Variants in AMER3 observed in about 807,000 individuals in gnomAD.
AMER3 encodes APC membrane recruitment protein 3, also known as family with sequence similarity 123C.
For synonymous variants in AMER3, 541 were observed against 485.5 expected (o/e 1.11, Z -1.50); for missense variants, 1,201 against 1,139.4 (o/e 1.05, Z -0.78).
chr2:130,762,543 G>A lies in AMER3; in HGVS notation c.471G>A (p.Lys157=). The A allele has an allele frequency of 6.2e-7, 1 of 1,613,514 alleles. No individual in the cohort carries two copies. Among genetic ancestry groups the A allele is most frequent in the South Asian group, 1.1e-5 (1 of 91,086 alleles). Residue 157 remains lysine, a synonymous_variant, in exon 2 of 2, where the codon AAG becomes AAA. Coordinates refer to ENST00000321420, the MANE Select transcript of AMER3 (RefSeq NM_152698.3). ...AGAGGATTTCCCTGAAGAGGCCCAA[G>A]AAGTGCTTTCGGAACCTATTCCACA... ...PRKRISLKRP[K]KCFRNLFHIR...
rs1375757424 is a variant in AMER3 at position 130,762,108 on chromosome 2, C to T, written c.36C>T (p.Ser12=). The change falls in exon 2 of 2, where the codon TCC becomes TCT. Residue 12 remains serine, a synonymous_variant. Coordinates refer to ENST00000321420, the MANE Select transcript of AMER3 (RefSeq NM_152698.3). ...AGAGAGGAAAGACCTTCATCAAGTC[C>T]AGCCTGCAGGTTTCCCACGAGAAAC... ...ELKRGKTFIK[S]SLQVSHEKPP... 6.2e-7 allele frequency: 1 copy of T among 1,611,306 alleles called. No individual in the cohort carries two copies. Among genetic ancestry groups the T allele is most frequent in the African/African-American group, 1.3e-5 (1 of 75,038 alleles).
rs1401842226 is a variant in AMER3 at position 130,759,882 on chromosome 2, T to C, written c.-19-2172T>C. On this transcript the variant is annotated intron_variant, in intron 1 of 1. Coordinates refer to ENST00000321420, the MANE Select transcript of AMER3 (RefSeq NM_152698.3). ...CAGTAGTTTGCCCCTCATACAGTTA[T>C]GGGCCAAGCTGTCTGCCTGGTTAGG... Among the ~76,000 whole-genome samples, 4 of 152,198 alleles carry C rather than the reference T, an allele frequency of 2.6e-5. No individual in the cohort carries two copies. The East Asian group carries it at 7.7e-4, about 29-fold the overall frequency.
chr2:130,764,757 T>G lies in AMER3; in HGVS notation c.*99T>G. The G allele has an allele frequency of 7.6e-7, 1 of 1,316,546 alleles. No homozygotes were observed. Among genetic ancestry groups the G allele is most frequent in the Non-Finnish European group, 1.0e-6 (1 of 977,484 alleles). 81.6% of individuals were successfully genotyped at this position (1,316,546 alleles called of 1,614,324 possible). On this transcript the variant is annotated 3_prime_UTR_variant, in exon 2 of 2. Transcript: ENST00000321420. ...TATCTTTTGTCCCTGATGTGGGGAC[T>G]GTGTTGGGGGTGGGGGGTGGCAGGA...
At position 130,766,277 on chromosome 2, in the gene AMER3, ATCTGGCCCCAG is replaced by A. The variant is rs1377737515; in HGVS notation, c.*1627_*1637del. 6.0e-6 allele frequency: 1 copy of A among 167,114 alleles called. No homozygotes were observed. The highest frequency in any genetic ancestry group is 1.5e-5 in the Non-Finnish European group (1 of 68,164). 10.4% of individuals were successfully genotyped at this position (167,114 alleles called of 1,614,324 possible). A position where few individuals can be genotyped will look rare whatever the true frequency, so the allele number is the denominator to read the frequency against. On this transcript the variant is annotated 3_prime_UTR_variant, in exon 2 of 2. Transcript: ENST00000321420. ...AGGAGGGCCCACTGAACCGGCCTCA[ATCTGGCCCCAG>A]TCTGGCCTACTCGCTGCCCCAGGAC...
chr2:130,757,218 G>A (rs1678636831), intron 1 of AMER3, among the ~76,000 whole-genome samples: 1 of 152,196 alleles, frequency 6.6e-6, no homozygotes. Context: ...CTAAGCCTGA[G>A]TTGGTCATGT....
chr2:130,763,643 CT>C lies in AMER3; in HGVS notation c.1572del (p.Gln526SerfsTer158). On this transcript the variant is annotated frameshift_variant, in exon 2 of 2. Transcript: ENST00000321420. LOFTEE classifies it low-confidence loss of function (END_TRUNC). ...RGPTPRAPPT[P>X]GQPAAPPGSQ... ...CCCACGCCCCGTGCCCCACCCACCCCTGGGCAGCCTGCAGCTCCACCTGGTT... is the reference window on the plus strand; with the variant it reads ...CCCACGCCCCGTGCCCCACCCACCCCGGGCAGCCTGCAGCTCCACCTGGTT... 6.5e-7 allele frequency: 1 copy of C among 1,533,008 alleles called. No individual in the cohort carries two copies. Among genetic ancestry groups the C allele is most frequent in the Non-Finnish European group, 8.8e-7 (1 of 1,140,774 alleles). 95.0% of individuals were successfully genotyped at this position (1,533,008 alleles called of 1,614,324 possible).
chr2:130,758,145 A>G (rs920387965), intron 1 of AMER3, among the ~76,000 whole-genome samples: 9 of 151,314 alleles, frequency 5.9e-5, no homozygotes, highest in Non-Finnish European at 1.2e-4. Context: ...AAAACAAAAC[A>G]AAACAAAAAA....
At chr2:130,758,157 C>T (rs1477407640) in intron 1 of AMER3, among the ~76,000 whole-genome samples, 1 of 150,066 alleles carries the variant, frequency 6.7e-6, no homozygotes, top group African/African-American at 2.5e-5. Context: ...AACAAAAAAC[C>T]CACCATCCTG....
Position 130,765,961 on chromosome 2 carries a change from A to G in AMER3, c.*1303A>G. ...CGAGTTCACACCCAAAATGAAGTCC[A>G]CAGGTCCACCCCTTGTCAACTTGGC... On this transcript the variant is annotated 3_prime_UTR_variant, in exon 2 of 2. Transcript: ENST00000321420. 2 of 167,208 alleles carry G rather than the reference A, an allele frequency of 1.2e-5. No homozygotes were observed. 10.4% of individuals were successfully genotyped at this position (167,208 alleles called of 1,614,324 possible).
At chr2:130,759,641 TC>T (rs1678718431) in intron 1 of AMER3, among the ~76,000 whole-genome samples, 1 of 152,264 alleles carries the variant, frequency 6.6e-6, no homozygotes, top group South Asian at 2.1e-4. Context: ...ATCTTCACTT[TC>T]ATTGTGTTTT....
chr2:130,762,107 C>T lies in AMER3; in HGVS notation c.35C>T (p.Ser12Phe). The change falls in exon 2 of 2, where the codon TCC (serine) becomes TTC (phenylalanine). Residue 12 changes from serine (S) to phenylalanine (F), a missense_variant. Coordinates refer to ENST00000321420, the MANE Select transcript of AMER3 (RefSeq NM_152698.3). ...ELKRGKTFIK[S>F]SLQVSHEKPP... The stretch of plus-strand genomic sequence containing the variant: ...AAGAGAGGAAAGACCTTCATCAAGT[C>T]CAGCCTGCAGGTTTCCCACGAGAAA... The T allele has an allele frequency of 6.2e-7, 1 of 1,611,362 alleles. No individual in the cohort carries two copies. The highest frequency in any genetic ancestry group is 8.5e-7 in the Non-Finnish European group (1 of 1,179,332).
In AMER3 at chr2:130,763,874, G is replaced by C. The variant is rs150310404; in HGVS notation, c.1802G>C (p.Arg601Pro). 2 of 1,613,516 alleles carry C rather than the reference G, an allele frequency of 1.2e-6. No homozygotes were observed. Among genetic ancestry groups the C allele is most frequent in the Non-Finnish European group, 1.7e-6 (2 of 1,180,028 alleles). ...GTGTLSRDAS[R>P]EEETRGHSEG... ...GGCACACTGTCCAGGGATGCCTCTC[G>C]AGAGGAAGAGACACGAGGTCACTCT... is the stretch of plus-strand genomic sequence containing the variant. The change falls in exon 2 of 2, where the codon CGA becomes CCA. Residue 601 changes from arginine to proline, a missense_variant. Physicochemically the swap from Arg to Pro is moderately radical, Grantham distance 103 (BLOSUM62 -2). Coordinates refer to ENST00000321420, the MANE Select transcript of AMER3 (RefSeq NM_152698.3).
At position 130,762,702 on chromosome 2, in the gene AMER3, G is replaced by A. The variant is rs1558966937; in HGVS notation, c.630G>A (p.Leu210=). ...TCCCCCCGGGTGAGGGGCCGGGGCT[G>A]GACGGCCTGTGCCAGGACCTGTTGG... ...AFLPPGEGPG[L]DGLCQDLLDS... Residue 210 remains leucine (L), a synonymous_variant, in exon 2 of 2, where the codon CTG becomes CTA. Transcript: ENST00000321420. 2.5e-6 allele frequency: 4 copies of A among 1,611,698 alleles called. No individual in the cohort carries two copies. Among genetic ancestry groups the A allele is most frequent in the Non-Finnish European group, 3.4e-6 (4 of 1,179,794 alleles).
intron 1 of AMER3, among the ~76,000 whole-genome samples, chr2:130,756,550 G>A (rs1260140646): frequency 7.2e-5 from 11 of 152,158 alleles, no homozygotes; most frequent in African/African-American, 2.4e-4. Context: ...GCAGTCAGGG[G>A]CCTGGGAGCG....
intron 1 of AMER3, among the ~76,000 whole-genome samples, chr2:130,760,141 G>A (rs1466934616): frequency 6.6e-6 from 1 of 152,258 alleles, no homozygotes; most frequent in Non-Finnish European, 1.5e-5. Context: ...TGTCCAGGGT[G>A]CCACTAGCAA....
chr2:130,763,076 C>A lies in AMER3; in HGVS notation c.1004C>A (p.Thr335Lys). The A allele has an allele frequency of 6.2e-7, 1 of 1,613,428 alleles. No individual in the cohort carries two copies. Among genetic ancestry groups the A allele is most frequent in the Non-Finnish European group, 8.5e-7 (1 of 1,180,016 alleles). ...LGPWLSGPQG[T>K]DRDQSRLDTA... Reference sequence around the variant, plus strand: ...CCGTGGCTTTCAGGCCCCCAGGGGACAGACAGGGACCAATCCCGGCTGGAC... The same window carrying A: ...CCGTGGCTTTCAGGCCCCCAGGGGAAAGACAGGGACCAATCCCGGCTGGAC... Residue 335 changes from threonine to lysine, a missense_variant, in exon 2 of 2, where the codon ACA (threonine) becomes AAA (lysine). Coordinates refer to ENST00000321420, the MANE Select transcript of AMER3 (RefSeq NM_152698.3).
chr2:130,762,216 C>T lies in AMER3; in HGVS notation c.144C>T (p.His48=). The T allele has an allele frequency of 6.3e-7, 1 of 1,584,730 alleles. No individual in the cohort carries two copies. The highest frequency in any genetic ancestry group is 8.6e-7 in the Non-Finnish European group (1 of 1,166,038). Residue 48 remains histidine, a synonymous_variant, in exon 2 of 2, where the codon CAC becomes CAT. Transcript: ENST00000321420. The part of the protein sequence containing the change: ...SVLPGGQQRP[H]SEKGPQASPS... ...TTCCAGGAGGGCAACAGAGGCCCCACAGTGAGAAGGGCCCCCAAGCCAGCC... is the reference window on the plus strand; with the variant it reads ...TTCCAGGAGGGCAACAGAGGCCCCATAGTGAGAAGGGCCCCCAAGCCAGCC...
At chr2:130,760,906 C>T (rs1678758141) in intron 1 of AMER3, among the ~76,000 whole-genome samples, 1 of 151,048 alleles carries the variant, frequency 6.6e-6, no homozygotes, top group African/African-American at 2.4e-5. Flanking sequence ...TGGTGTAGAT[C>T]CAAGCCTTGG....
Position 130,767,808 on chromosome 2 carries a change from G to C in AMER3, c.*3150G>C, listed in dbSNP as rs1408146168. The C allele has an allele frequency of 1.2e-5, 2 of 167,172 alleles. No homozygotes were observed. Among genetic ancestry groups the C allele is most frequent in the Non-Finnish European group, 2.9e-5 (2 of 68,182 alleles). 10.4% of individuals were successfully genotyped at this position (167,172 alleles called of 1,614,324 possible). On this transcript the variant is annotated 3_prime_UTR_variant, in exon 2 of 2. Transcript: ENST00000321420. Reference sequence around the variant, plus strand: ...TTCAGACCTGGACACGGAGGCACAGGGTGCTGGTGTGACTTGCCCACAGTT... The same window carrying C: ...TTCAGACCTGGACACGGAGGCACAGCGTGCTGGTGTGACTTGCCCACAGTT...
Sources: allele counts gnomAD v4.1 joint callset (sites outside exome capture counted in the v4.1 genomes callset), GRCh38; gene constraint gnomAD v4.1.1; transcripts MANE v1.5; gene names NCBI Gene and HGNC (gene_info 2026-07-23, HGNC 2026-07-21).